The following GRIP1 variants were observed in gnomAD, a reference collection of about 807,000 sequenced individuals.
GRIP1 encodes the protein glutamate receptor-interacting protein 1.
In GRIP1, 45 loss-of-function variants were observed where a neutral mutation model predicts 129.9. That is an observed-to-expected ratio of 0.35 (90% CI 0.27 to 0.44). GRIP1 has a LOEUF of 0.44. Among genes scored for constraint, GRIP1 ranks in the 20% least tolerant of loss-of-function variants. GRIP1 has a pLI of 1.00. For missense variants in GRIP1, 1,196 were observed against 1,396.8 expected, an observed-to-expected ratio of 0.86 and a Z score of 2.29; for synonymous variants, 530 against 520.8, an observed-to-expected ratio of 1.02 and a Z score of -0.24.
chr12:66,384,649 A>G (rs1302509258), intron 19 of GRIP1, among the ~76,000 whole-genome samples: 1 of 152,198 alleles, frequency 6.6e-6, no homozygotes, highest in Non-Finnish European at 1.5e-5. Context: ...ATAGATAGAA[A>G]TGTGGGAAAA....
At chr12:66,484,971 A>C (rs1442733687) in intron 7 of GRIP1, among the ~76,000 whole-genome samples, 1 of 152,188 alleles carries the variant, frequency 6.6e-6, no homozygotes, top group Non-Finnish European at 1.5e-5. Context: ...ATTATCAGTA[A>C]AAAATATTGC....
At chr12:66,573,924 T>C (rs1368335500) in intron 2 of GRIP1, among the ~76,000 whole-genome samples, 1 of 152,200 alleles carries the variant, frequency 6.6e-6, no homozygotes, top group Non-Finnish European at 1.5e-5. Flanking sequence ...CCCTCTGGCC[T>C]ATGAGTTCTA....
At chr12:66,950,006 G>A (rs922246829) in intron 1 of GRIP1, among the ~76,000 whole-genome samples, 1 of 151,520 alleles carries the variant, frequency 6.6e-6, no homozygotes, top group Non-Finnish European at 1.5e-5. Context: ...TCAATCTCCT[G>A]ACCTCGTGAT....
rs763236791 is a variant in GRIP1, at chr12:66,379,323, C to T, written c.2578G>A (p.Val860Met). The T allele has an allele frequency of 1.9e-6, 3 of 1,613,926 alleles. No homozygotes were observed. The highest frequency in any genetic ancestry group is 2.7e-5 in the African/African-American group (2 of 74,932). Residue 860 changes from valine to methionine, a missense_variant, in exon 20 of 25, where the codon GTG becomes ATG. Val to Met is a conservative substitution (Grantham distance 21, BLOSUM62 1). Around this residue, in one of 5 missense-constraint regions of GRIP1, gnomAD observed 427 missense variants for 463.3 expected, o/e 0.92. Transcript: ENST00000359742. ...TKPRSQTYPD[V>M]GLSYEDWDRS... ...TCCCAGTCTTCATAACTCAGCCCCACATCTGGGTAAGTCTGGCTTCGAGGC... is the reference window on the plus strand; with the variant it reads ...TCCCAGTCTTCATAACTCAGCCCCATATCTGGGTAAGTCTGGCTTCGAGGC...
chr12:66,570,188 G>A (rs981309597), intron 2 of GRIP1, among the ~76,000 whole-genome samples: 13 of 152,130 alleles, frequency 8.5e-5, no homozygotes, highest in African/African-American at 2.9e-4. Flanking sequence ...GTATGATCTA[G>A]CTCACTGCAA....
chr12:66,572,871 G>A lies in GRIP1; in HGVS notation c.136+23976C>T, dbSNP rs1389754853. ...GACTTGGTATGCCATGGAGGACGGT[G>A]TTCTCTATGATCTCATATGTTTTCT... On this transcript the variant is annotated intron_variant, in intron 2 of 24. Transcript: ENST00000359742. Among the ~76,000 whole-genome samples the A allele has an allele frequency of 2.6e-5, 4 of 152,206 alleles. No homozygotes were observed. The East Asian group carries it at 5.8e-4, about 22-fold the overall frequency.
At chr12:66,755,784 G>A (rs1482751815) in intron 1 of GRIP1, among the ~76,000 whole-genome samples, 1 of 152,224 alleles carries the variant, frequency 6.6e-6, no homozygotes, top group Non-Finnish European at 1.5e-5. Flanking sequence ...TCCCCAAGGG[G>A]TGAACTCTGC....
At chr12:66,834,623 C>T (rs542019650) in intron 1 of GRIP1, among the ~76,000 whole-genome samples, 71 of 152,260 alleles carry the variant, frequency 4.7e-4, no homozygotes, top group African/African-American at 1.6e-3. Context: ...TTCAAACGTA[C>T]TTTAAAGTGC....
chr12:66,600,042 C>T lies in GRIP1; in HGVS notation c.56-3115G>A, dbSNP rs1221344222. Among the ~76,000 whole-genome samples the T allele has an allele frequency of 2.0e-5, 3 of 152,288 alleles. No homozygotes were observed. In the South Asian group the frequency reaches 6.2e-4, roughly 32 times the overall value. On this transcript the variant is annotated intron_variant, in intron 1 of 24. Coordinates refer to ENST00000359742, the MANE Select transcript of GRIP1 (RefSeq NM_001366722.1). ...CTTGTATGGTGTAAGTTAATTGCTA[C>T]AGTGAAGCCTTTGAAAAGGAGCCTG...
At chr12:66,501,889 T>C (rs2060403123) in intron 7 of GRIP1, among the ~76,000 whole-genome samples, 1 of 152,202 alleles carries the variant, frequency 6.6e-6, no homozygotes, top group Non-Finnish European at 1.5e-5. Context: ...ATGTTGGCTT[T>C]ACACCTACTG....
At chr12:66,904,229 G>A (rs1005638767) in intron 1 of GRIP1, among the ~76,000 whole-genome samples, 4 of 152,180 alleles carry the variant, frequency 2.6e-5, no homozygotes, top group African/African-American at 4.8e-5. Context: ...AATCTTAGTA[G>A]AGACGTTTTC....
chr12:66,673,016 G>C (rs576091627), intron 1 of GRIP1, among the ~76,000 whole-genome samples: 1 of 152,080 alleles, frequency 6.6e-6, no homozygotes, highest in Non-Finnish European at 1.5e-5. Context: ...CTACCATAAG[G>C]AATGCTGAGA....
intron 1 of GRIP1, among the ~76,000 whole-genome samples, chr12:66,879,714 CCTT>C (rs1236181106): frequency 6.6e-6 from 1 of 152,108 alleles, no homozygotes; most frequent in Non-Finnish European, 1.5e-5. Flanking sequence ...TTCATTCACT[CCTT>C]ATTTTTTCAC....
At position 66,496,913 on chromosome 12, in the gene GRIP1, G is replaced by GA. The variant is rs566440836; in HGVS notation, c.724+18705dup. Among the ~76,000 whole-genome samples, 589 of 151,902 alleles carry GA rather than the reference G, an allele frequency of 3.9e-3. 3 individuals carry two copies. The highest frequency in any genetic ancestry group is 7.6e-3 in the Non-Finnish European group (515 of 67,910). ...AGAGAGGAAAGGAGAAGGAACAAAA[G>GA]AAAAAAGGAAGGAAAGAGAGGATGA... On this transcript the variant is annotated intron_variant, in intron 7 of 24. Transcript: ENST00000359742.
chr12:66,543,341 A>G (rs2061845814), intron 2 of GRIP1, among the ~76,000 whole-genome samples: 1 of 152,190 alleles, frequency 6.6e-6, no homozygotes. Context: ...ATCGTCTTTT[A>G]AAGTAGAAGC....
intron 1 of GRIP1, among the ~76,000 whole-genome samples, chr12:67,042,450 C>T (rs1452140058): frequency 1.3e-5 from 2 of 152,074 alleles, no homozygotes; most frequent in South Asian, 4.1e-4. Flanking sequence ...AAATTTTTTT[C>T]AGCAGAAGGT....
At chr12:66,633,311 A>ATACTG (rs2031022669) in intron 1 of GRIP1, among the ~76,000 whole-genome samples, 1 of 148,404 alleles carries the variant, frequency 6.7e-6, no homozygotes, top group Non-Finnish European at 1.5e-5. Context: ...ACACTATACT[A>ATACTG]TACTATACTA....
intron 13 of GRIP1, among the ~76,000 whole-genome samples, chr12:66,443,430 T>A (rs945784962): frequency 6.6e-6 from 1 of 151,506 alleles, no homozygotes; most frequent in Non-Finnish European, 1.5e-5. Flanking sequence ...ACCGCAATAT[T>A]TTTTTTTTCT....
chr12:66,683,976 T>C (rs1379069353), upstream of GRIP1, among the ~76,000 whole-genome samples: 1 of 152,232 alleles, frequency 6.6e-6, no homozygotes, highest in Non-Finnish European at 1.5e-5. Context: ...TTGCCTGACT[T>C]TGACTCTTGG....
Sources: allele counts gnomAD v4.1 joint callset (sites outside exome capture counted in the v4.1 genomes callset), GRCh38; gene constraint gnomAD v4.1.1; regional missense constraint gnomAD v4.1.1; transcripts MANE v1.5; gene names NCBI Gene and HGNC (gene_info 2026-07-23, HGNC 2026-07-21).